Variants in PSME4 observed in about 807,000 individuals in gnomAD.
The protein encoded by PSME4 is proteasome activator subunit 4, also known as proteasome activator complex subunit 4.
A neutral mutation model predicts 253.9 loss-of-function variants in PSME4; 89 were observed. That is an observed-to-expected ratio of 0.35 (90% CI 0.30 to 0.42). PSME4 has a LOEUF of 0.42. PSME4 is among the 10% of genes least tolerant of loss of function. PSME4 has a pLI of 1.00. For missense variants in PSME4, 2,014 were observed against 2,195.2 expected, an observed-to-expected ratio of 0.92 and a Z score of 1.65; for synonymous variants, 851 against 759.2, an observed-to-expected ratio of 1.12 and a Z score of -1.99.
chr2:53,954,062 G>C (rs771534373), intron 1 of PSME4, among the ~76,000 whole-genome samples: 1 of 151,458 alleles, frequency 6.6e-6, no homozygotes, highest in Non-Finnish European at 1.5e-5. Context: ...GGGCGCGGTG[G>C]CTCACGCCTG....
At chr2:53,865,933 G>T in intron 46 of PSME4, 152 bp downstream of exon 46, 1 of 815,284 alleles carries the variant, frequency 1.2e-6, no homozygotes, top group Non-Finnish European at 1.8e-6. Flanking sequence ...TCCAATGGCC[G>T]TAGCAAAAGC....
At position 53,888,702 on chromosome 2, in the gene PSME4, G is replaced by GT; in HGVS notation, c.4388+18dup. 6 of 1,563,068 alleles carry GT rather than the reference G, an allele frequency of 3.8e-6. No homozygotes were observed. The highest frequency in any genetic ancestry group is 1.1e-5 in the South Asian group (1 of 89,440). On this transcript the variant is annotated intron_variant, in intron 38 of 46. Coordinates refer to ENST00000404125, the MANE Select transcript of PSME4 (RefSeq NM_014614.3). ...AAAACCTTTCGTGTTAACCTCATAG[G>GT]TTTTTTAAAAAAATTTACCATGCAT...
chr2:53,867,707 C>T (rs1454055578), intron 44 of PSME4, among the ~76,000 whole-genome samples: 1 of 149,900 alleles, frequency 6.7e-6, no homozygotes, highest in Non-Finnish European at 1.5e-5. Flanking sequence ...TTAAAGACTT[C>T]CATAGTTGCT....
At chr2:53,953,082 T>C (rs1164623352) in intron 1 of PSME4, among the ~76,000 whole-genome samples, 1 of 152,196 alleles carries the variant, frequency 6.6e-6, no homozygotes. Context: ...ATCTAAAGAT[T>C]CTGGAGGGAC....
intron 3 of PSME4, among the ~76,000 whole-genome samples, chr2:53,943,158 G>A (rs1669532135): frequency 6.6e-6 from 1 of 152,234 alleles, no homozygotes; most frequent in Admixed American, 6.5e-5. Context: ...AAACTAGGCT[G>A]CTCATAGCCA....
chr2:53,909,682 G>T (rs748237752), intron 21 of PSME4, among the ~76,000 whole-genome samples: 2 of 152,026 alleles, frequency 1.3e-5, no homozygotes, highest in Admixed American at 1.3e-4. Context: ...ATTTTAGGCC[G>T]GGCAGGGTGG....
intron 1 of PSME4, among the ~76,000 whole-genome samples, chr2:53,962,086 C>G (rs1306516822): frequency 6.6e-6 from 1 of 152,190 alleles, no homozygotes; most frequent in Non-Finnish European, 1.5e-5. Flanking sequence ...CCAGTATAAG[C>G]ATGCCAGGGC....
chr2:53,970,119 C>G (rs975148293), intron 1 of PSME4, among the ~76,000 whole-genome samples: 10 of 152,128 alleles, frequency 6.6e-5, no homozygotes, highest in African/African-American at 2.2e-4. Context: ...AAGGAAGAAC[C>G]GGAGGAAGCA....
chr2:53,869,716 C>T, intron 43 of PSME4, 178 bp from the exon 44 acceptor site: 2 of 430,434 alleles, frequency 4.6e-6, no homozygotes, highest in Non-Finnish European at 8.1e-6. Flanking sequence ...GAGTTTGTGG[C>T]CTCATAATGG....
intron 27 of PSME4, among the ~76,000 whole-genome samples, chr2:53,902,998 C>T (rs367852299): frequency 8.5e-5 from 13 of 152,268 alleles, no homozygotes; most frequent in African/African-American, 3.1e-4. Context: ...CTCTCCCTGC[C>T]TTCTGTGATT....
At chr2:53,896,457 T>G (rs927906401) in intron 32 of PSME4, among the ~76,000 whole-genome samples, 1 of 152,100 alleles carries the variant, frequency 6.6e-6, no homozygotes, top group Non-Finnish European at 1.5e-5. Context: ...GGTAATACAA[T>G]AAGGTATGAG....
chr2:53,903,355 T>G (rs1367584649), intron 27 of PSME4, among the ~76,000 whole-genome samples: 2 of 152,154 alleles, frequency 1.3e-5, no homozygotes, highest in African/African-American at 4.8e-5. Flanking sequence ...TGACATTTCC[T>G]TTTTTCAGTC....
At chr2:53,943,846 C>CAA (rs5831284) in intron 3 of PSME4, among the ~76,000 whole-genome samples, 9 of 81,310 alleles carry the variant, frequency 1.1e-4, no homozygotes, top group Admixed American at 1.5e-4. Context: ...AACTCCATCT[C>CAA]AAAAAAAAAA....
intron 16 of PSME4, 124 bp downstream of exon 16, chr2:53,922,925 T>C (rs189075308): frequency 6.1e-5 from 49 of 808,840 alleles, no homozygotes; most frequent in Middle Eastern, 7.9e-4. Context: ...AGACAAATTT[T>C]CCCCAAATTG....
chr2:53,923,304 CA>C lies in PSME4; in HGVS notation c.1908+16del. ...TTGTTGAGTCATTAATACATCAGTT[CA>C]AAAAAATAAACTCACCTTTACAGCA... On this transcript the variant is annotated intron_variant, in intron 15 of 46. Coordinates refer to ENST00000404125, the MANE Select transcript of PSME4 (RefSeq NM_014614.3). 3 of 1,586,868 alleles carry C rather than the reference CA, an allele frequency of 1.9e-6. No individual in the cohort carries two copies. Among genetic ancestry groups the C allele is most frequent in the South Asian group, 1.2e-5 (1 of 85,080 alleles).
chr2:53,907,129 C>T (rs553084214), intron 24 of PSME4, among the ~76,000 whole-genome samples: 1 of 152,224 alleles, frequency 6.6e-6, no homozygotes. Flanking sequence ...TAGACCCATG[C>T]ATGGGAGAGC....
intron 1 of PSME4, among the ~76,000 whole-genome samples, chr2:53,969,600 T>C (rs1021276559): frequency 2.0e-5 from 3 of 152,068 alleles, no homozygotes; most frequent in East Asian, 1.9e-4. Context: ...TACAGCAAAA[T>C]TCTTTCTTAA....
intron 7 of PSME4, among the ~76,000 whole-genome samples, chr2:53,935,364 A>G (rs1669053195): frequency 6.6e-6 from 1 of 152,162 alleles, no homozygotes; most frequent in South Asian, 2.1e-4. Context: ...ACCACAAGCA[A>G]AAGCAAACAG....
At position 53,901,530 on chromosome 2, in the gene PSME4, G is replaced by A. The variant is rs373577480; in HGVS notation, c.3105C>T (p.His1035=). The change falls in exon 28 of 47, where the codon CAC becomes CAT. Residue 1035 remains histidine, a synonymous_variant. Transcript: ENST00000404125. ...KGALYCLLGN[H]SGVCLANLHD... is the part of the protein sequence containing the mutation. ...GAAGGTTTGCCAAGCACACACCACT[G>A]TGATTTCCAAGGAGACAGTACAAGG... The A allele has an allele frequency of 1.7e-5, 28 of 1,612,628 alleles. No homozygotes were observed. Among genetic ancestry groups the A allele is most frequent in the Non-Finnish European group, 2.0e-5 (23 of 1,179,052 alleles).
Sources: allele counts gnomAD v4.1 joint callset (sites outside exome capture counted in the v4.1 genomes callset), GRCh38; gene constraint gnomAD v4.1.1; transcripts MANE v1.5; gene names NCBI Gene and HGNC (gene_info 2026-07-23, HGNC 2026-07-21).